TXNRD2: variants seen among roughly 807,000 people sequenced by gnomAD.
TXNRD2 encodes the protein thioredoxin reductase 2, mitochondrial.
In TXNRD2, 67 loss-of-function variants were observed where a neutral mutation model predicts 70.8. The ratio of observed to expected loss-of-function variants is 0.95; its 90% CI spans 0.78 to 1.16. The LOEUF is 1.16. Ranked by LOEUF, TXNRD2 falls within the 50% of genes most tolerant of loss-of-function variation. TXNRD2 has a pLI of 0.00. For synonymous variants in TXNRD2, 301 were observed against 295.8 expected, an observed-to-expected ratio of 1.02 and a Z score of -0.18; for missense variants, 644 against 719.9, an observed-to-expected ratio of 0.89 and a Z score of 1.21.
intron 7 of TXNRD2, among the ~76,000 whole-genome samples, chr22:19,914,595 T>C (rs1348186427): frequency 6.6e-6 from 1 of 152,150 alleles, no homozygotes; most frequent in Admixed American, 6.5e-5. Flanking sequence ...CCTAGTGTTG[T>C]CACATTCATA....
At position 19,877,130 on chromosome 22, in the gene TXNRD2, G is replaced by T. The variant is rs750909434; in HGVS notation, c.1550C>A (p.Pro517His). ...LRISKRSGLD[P>H]TVTGCUG is the part of the protein sequence containing the mutation. ...TTACCCTCAGCAGCCTGTCACCGTG[G>T]GGTCCAGGCCTGAGCGCTTGGAGAT... Residue 517 changes from proline to histidine, a missense_variant, in exon 17 of 18, where the codon CCC becomes CAC. Physicochemically the swap from Pro to His is moderately conservative, Grantham distance 77. Around this residue, in one of 3 missense-constraint regions of TXNRD2, gnomAD observed 7 missense variants for 21.3 expected, o/e 0.33. Coordinates refer to ENST00000400521, the MANE Select transcript of TXNRD2 (RefSeq NM_006440.5). The T allele has an allele frequency of 1.2e-6, 2 of 1,601,026 alleles. No individual in the cohort carries two copies. The highest frequency in any genetic ancestry group is 1.3e-5 in the African/African-American group (1 of 74,674).
chr22:19,909,169 G>C (rs1042787066), intron 8 of TXNRD2, among the ~76,000 whole-genome samples: 35 of 146,744 alleles, frequency 2.4e-4, no homozygotes, highest in Non-Finnish European at 1.2e-4. Flanking sequence ...TCGCACCACT[G>C]CACTCCAGCC....
At chr22:19,919,730 G>A in intron 2 of TXNRD2, 131 bp from the exon 3 acceptor site, 2 of 854,114 alleles carry the variant, frequency 2.3e-6, no homozygotes, top group South Asian at 1.5e-5. Flanking sequence ...CCACACAGTG[G>A]CTGAGCTGCG....
In TXNRD2 at chr22:19,918,139, G is replaced by C. The variant is rs755751835; in HGVS notation, c.449+4C>G. The C allele has an allele frequency of 1.2e-6, 2 of 1,613,954 alleles. No homozygotes were observed. The highest frequency in any genetic ancestry group is 8.5e-7 in the Non-Finnish European group (1 of 1,179,904). On this transcript the variant is annotated splice_donor_region_variant and intron_variant, in intron 5 of 17. Transcript: ENST00000400521. ...CGGCCCATTCCCGGAGAGAGCTTCA[G>C]TACCTGTCCTGAAGCTGGACACGGT...
intron 10 of TXNRD2, 58 bp from the exon 11 acceptor site, chr22:19,895,639 G>GGCCCT: frequency 6.3e-7 from 1 of 1,592,226 alleles, no homozygotes; most frequent in Non-Finnish European, 8.5e-7. Flanking sequence ...GAGAGGCTCT[G>GGCCCT]GCCCTGCCCT....
intron 2 of TXNRD2, among the ~76,000 whole-genome samples, chr22:19,924,570 A>G (rs910996375): frequency 6.6e-5 from 10 of 152,328 alleles, no homozygotes; most frequent in African/African-American, 2.4e-4. Context: ...CAGGAGCAAC[A>G]TGGAAGATAT....
chr22:19,881,642 T>C (rs940422831), intron 12 of TXNRD2, among the ~76,000 whole-genome samples: 13 of 152,222 alleles, frequency 8.5e-5, no homozygotes, highest in Non-Finnish European at 1.6e-4. Context: ...AGCTACACAC[T>C]TGCAGAGGGA....
At chr22:19,909,141 G>C (rs1463032432) in intron 8 of TXNRD2, among the ~76,000 whole-genome samples, 1 of 151,298 alleles carries the variant, frequency 6.6e-6, no homozygotes, top group Non-Finnish European at 1.5e-5. Flanking sequence ...GGGAGGCAGA[G>C]GTTGCAGTGA....
chr22:19,894,228 G>A (rs1397477078), intron 11 of TXNRD2: 1 of 152,252 alleles, frequency 6.6e-6, no homozygotes, highest in African/African-American at 2.4e-5. Context: ...GATCCATAGA[G>A]ACACACAGTG....
At chr22:19,938,366 T>C (rs1466053444) in intron 1 of TXNRD2, among the ~76,000 whole-genome samples, 2 of 152,246 alleles carry the variant, frequency 1.3e-5, no homozygotes, top group African/African-American at 4.8e-5. Flanking sequence ...AGATAAGACA[T>C]GGGGCCCTGG....
At chr22:19,908,424 A>C (rs1940171410) in intron 8 of TXNRD2, among the ~76,000 whole-genome samples, 1 of 152,124 alleles carries the variant, frequency 6.6e-6, no homozygotes, top group Non-Finnish European at 1.5e-5. Context: ...GGCCACTGTC[A>C]AAAAAACAGA....
At chr22:19,886,542 T>C (rs1939042423) in intron 11 of TXNRD2, among the ~76,000 whole-genome samples, 3 of 152,250 alleles carry the variant, frequency 2.0e-5, no homozygotes, top group South Asian at 4.1e-4. Context: ...CTCCCCACCA[T>C]TTCCCTCCTA....
intron 8 of TXNRD2, among the ~76,000 whole-genome samples, chr22:19,909,697 C>T (rs1940260509): frequency 7.2e-6 from 1 of 139,752 alleles, no homozygotes; most frequent in Non-Finnish European, 1.5e-5. Flanking sequence ...ACACACTGCT[C>T]ACACACACCA....
At chr22:19,923,503 C>A (rs761561490) in intron 2 of TXNRD2, among the ~76,000 whole-genome samples, 11 of 152,152 alleles carry the variant, frequency 7.2e-5, no homozygotes, top group Non-Finnish European at 1.3e-4. Flanking sequence ...AGTTAACAAG[C>A]AGACTGGGCG....
chr22:19,925,545 GTATCATGGATT>G (rs1198695713), intron 2 of TXNRD2, among the ~76,000 whole-genome samples: 2 of 151,816 alleles, frequency 1.3e-5, no homozygotes, highest in Non-Finnish European at 2.9e-5. Context: ...TAATAATGAT[GTATCATGGATT>G]TATAACATGT....
chr22:19,891,069 C>T (rs562393796), intron 11 of TXNRD2, among the ~76,000 whole-genome samples: 1 of 152,254 alleles, frequency 6.6e-6, no homozygotes, highest in Non-Finnish European at 1.5e-5. Context: ...GCCAAGCTCC[C>T]ATGCTCCATG....
chr22:19,906,698 A>G (rs1940031339), intron 8 of TXNRD2, among the ~76,000 whole-genome samples: 1 of 152,228 alleles, frequency 6.6e-6, no homozygotes, highest in African/African-American at 2.4e-5. Flanking sequence ...GAAAAACTTA[A>G]AATTTCTGCA....
intron 7 of TXNRD2, chr22:19,914,896 G>A: frequency 2.5e-6 from 1 of 401,106 alleles, no homozygotes; most frequent in East Asian, 5.3e-5. Flanking sequence ...ACATTCTGAG[G>A]CTGAAGGGAA....
chr22:19,925,607 G>C (rs917100041), intron 2 of TXNRD2, among the ~76,000 whole-genome samples: 1 of 151,932 alleles, frequency 6.6e-6, no homozygotes, highest in African/African-American at 2.4e-5. Flanking sequence ...ATGAAGGTTA[G>C]GAGGGGTGGA....
Sources: allele counts gnomAD v4.1 joint callset (sites outside exome capture counted in the v4.1 genomes callset), GRCh38; gene constraint gnomAD v4.1.1; regional missense constraint gnomAD v4.1.1; transcripts MANE v1.5; gene names NCBI Gene and HGNC (gene_info 2026-07-23, HGNC 2026-07-21).